Variants in SNX13 observed in about 807,000 individuals in gnomAD.
SNX13 encodes the protein sorting nexin 13, also known as sorting nexin-13.
Under a neutral mutation model 133.6 loss-of-function variants are expected in SNX13, and 45 were observed. That is an observed-to-expected ratio of 0.34 (90% CI 0.27 to 0.43). The LOEUF is 0.43. Ranked by LOEUF, SNX13 falls within the 20% of genes least tolerant of loss-of-function variation. The pLI is 1.00. For missense variants in SNX13, 1,032 were observed against 1,145.1 expected (o/e 0.90, Z 1.43); for synonymous variants, 414 against 373.9 (o/e 1.11, Z -1.24).
chr7:17,918,393 A>G (rs925355657), intron 1 of SNX13, among the ~76,000 whole-genome samples: 3 of 152,048 alleles, frequency 2.0e-5, no homozygotes, highest in African/African-American at 7.2e-5. Flanking sequence ...TGACAAAGGA[A>G]TAATATCCAG....
intron 1 of SNX13, among the ~76,000 whole-genome samples, chr7:17,929,235 T>C (rs529996704): frequency 2.0e-5 from 3 of 152,034 alleles, no homozygotes; most frequent in African/African-American, 7.2e-5. Context: ...TATAAAGGAA[T>C]AGAGAGAGAT....
intron 1 of SNX13, among the ~76,000 whole-genome samples, chr7:17,917,103 T>C (rs1014446079): frequency 2.6e-5 from 4 of 152,040 alleles, no homozygotes; most frequent in Admixed American, 6.6e-5. Context: ...AAGCATTCAG[T>C]AAAATCCAAC....
rs550398049 is a variant in SNX13, at chr7:17,796,602, T to C, written c.2626+225A>G. ...GTTATTTAACCTCTCTGAGCTTCCG[T>C]TTCCTCACATATAAAGCGGTGATGT... is the stretch of plus-strand genomic sequence containing the variant. On this transcript the variant is annotated intron_variant, in intron 25 of 25. Coordinates refer to ENST00000428135, the MANE Select transcript of SNX13 (RefSeq NM_015132.5). 14 of 436,714 alleles carry C rather than the reference T, an allele frequency of 3.2e-5. No homozygotes were observed. In the South Asian group the frequency reaches 4.3e-4, roughly 13 times the overall value. 27.1% of individuals were successfully genotyped at this position (436,714 alleles called of 1,614,324 possible). A position where few individuals can be genotyped will look rare whatever the true frequency, so the allele number is the denominator to read the frequency against.
At chr7:17,914,741 C>T (rs906282092) in intron 1 of SNX13, among the ~76,000 whole-genome samples, 2 of 152,126 alleles carry the variant, frequency 1.3e-5, no homozygotes, top group Non-Finnish European at 2.9e-5. Context: ...AACATGAAAA[C>T]AAAATAACAA....
At chr7:17,893,197 G>T in intron 3 of SNX13, 135 bp downstream of exon 3, 2 of 561,808 alleles carry the variant, frequency 3.6e-6, no homozygotes, top group Non-Finnish European at 3.1e-6. Flanking sequence ...AGTATAATTA[G>T]ACAATCTCAC....
At chr7:17,895,829 A>G (rs1015233124) in intron 2 of SNX13, among the ~76,000 whole-genome samples, 22 of 152,234 alleles carry the variant, frequency 1.4e-4, no homozygotes, top group African/African-American at 5.1e-4. Flanking sequence ...GAGTAAAAAA[A>G]GAAATAATTA....
chr7:17,850,928 T>A lies in SNX13; in HGVS notation c.874A>T (p.Asn292Tyr), dbSNP rs753167446. 6 of 1,608,954 alleles carry A rather than the reference T, an allele frequency of 3.7e-6. No individual in the cohort carries two copies. The highest frequency in any genetic ancestry group is 5.1e-6 in the Non-Finnish European group (6 of 1,178,634). ...ATATTGTCACTCAATTTAATAATGT[T>A]CATAAAGGCCTCATAGTTGCAGTTA... ...DSNCNYEAFMNIIKLSDNIGE... is the reference protein window; with the variant it reads ...DSNCNYEAFMYIIKLSDNIGE... The change falls in exon 10 of 26, where the codon AAC becomes TAC. Residue 292 changes from asparagine (N) to tyrosine (Y), a missense_variant. Physicochemically the swap from Asn to Tyr is moderately radical, Grantham distance 143. Coordinates refer to ENST00000428135, the MANE Select transcript of SNX13 (RefSeq NM_015132.5).
chr7:17,801,588 A>T lies in SNX13; in HGVS notation c.2298T>A (p.Asn766Lys). The change falls in exon 22 of 26, where the codon AAT becomes AAA. Residue 766 changes from asparagine to lysine, a missense_variant and splice_region_variant. Physicochemically the swap from Asn to Lys is moderately conservative, Grantham distance 94. Coordinates refer to ENST00000428135, the MANE Select transcript of SNX13 (RefSeq NM_015132.5). Reference protein sequence around the residue: ...HRRVSAQLDDNVDDNIPLRVM... With the variant: ...HRRVSAQLDDKVDDNIPLRVM... Reference sequence around the variant, plus strand: ...ACTACCAAGAATAAAATTAACTCACATTATCGTCAAGTTGAGCCGAAACTC... The same window carrying T: ...ACTACCAAGAATAAAATTAACTCACTTTATCGTCAAGTTGAGCCGAAACTC... 1 of 1,604,782 alleles carries T rather than the reference A, an allele frequency of 6.2e-7. No individual in the cohort carries two copies. Among genetic ancestry groups the T allele is most frequent in the South Asian group, 1.1e-5 (1 of 88,778 alleles).
At chr7:17,832,200 G>C (rs182702067) in intron 15 of SNX13, 2 of 984,196 alleles carry the variant, frequency 2.0e-6, no homozygotes, top group African/African-American at 3.5e-5. Context: ...AATGTACTTC[G>C]TGTTTTAAAA....
At chr7:17,933,663 C>T (rs1311128748) in intron 1 of SNX13, among the ~76,000 whole-genome samples, 1 of 152,032 alleles carries the variant, frequency 6.6e-6, no homozygotes, top group Non-Finnish European at 1.5e-5. Flanking sequence ...CCTGTCTCCC[C>T]TGTAACTGCA....
In SNX13 at chr7:17,794,210, T is replaced by A. The variant is rs747198031; in HGVS notation, c.2709A>T (p.Leu903Phe). 1 of 1,611,642 alleles carries A rather than the reference T, an allele frequency of 6.2e-7. No individual in the cohort carries two copies. The highest frequency in any genetic ancestry group is 1.3e-5 in the African/African-American group (1 of 74,842). ...AGAAGACATAAACCATTCTCCTATT[T>A]AATTGGTTGTGCTGAAACATTTCAA... Reference protein sequence around the residue: ...RVFEMFQHNQLNRRMVYVFLE... With the variant: ...RVFEMFQHNQFNRRMVYVFLE... Residue 903 changes from leucine (L) to phenylalanine (F), a missense_variant, in exon 26 of 26, where the codon TTA becomes TTT. Physicochemically the swap from Leu to Phe is conservative, Grantham distance 22. Coordinates refer to ENST00000428135, the MANE Select transcript of SNX13 (RefSeq NM_015132.5).
Position 17,875,490 on chromosome 7 carries a change from T to C in SNX13, c.654A>G (p.Lys218=). ...VCRDLVCTSP[K]DEEGFLRDLC... ...AAATTAAAAGAAAACCTTCTTCATC[T>C]TTGGGGGAAGTGCACACTAGATCAC... Residue 218 remains lysine (K), a synonymous_variant, in exon 7 of 26, where the codon AAA becomes AAG. Transcript: ENST00000428135. 1.2e-6 allele frequency: 2 copies of C among 1,606,926 alleles called. No individual in the cohort carries two copies. The highest frequency in any genetic ancestry group is 1.1e-5 in the South Asian group (1 of 90,008).
intron 1 of SNX13, among the ~76,000 whole-genome samples, chr7:17,933,976 C>T (rs187549708): frequency 6.6e-6 from 1 of 152,126 alleles, no homozygotes; most frequent in African/African-American, 2.4e-5. Flanking sequence ...CAAACTAGTT[C>T]CCCAAAATCC....
intron 1 of SNX13, among the ~76,000 whole-genome samples, chr7:17,911,213 C>T (rs993469517): frequency 6.6e-6 from 1 of 152,118 alleles, no homozygotes; most frequent in Admixed American, 6.5e-5. Flanking sequence ...TATCCAAGGT[C>T]CCTCTCATTA....
intron 15 of SNX13, chr7:17,831,026 T>G: frequency 1.0e-6 from 1 of 984,414 alleles, no homozygotes; most frequent in Non-Finnish European, 1.2e-6. Context: ...ATACTTAAAA[T>G]AAGTAAAATA....
At chr7:17,830,671 G>A (rs978055916) in intron 15 of SNX13, 5 of 981,812 alleles carry the variant, frequency 5.1e-6, no homozygotes, top group Non-Finnish European at 4.8e-6. Context: ...AGTCAATGCT[G>A]GATTATTAAC....
chr7:17,883,627 A>T (rs552512359), intron 5 of SNX13, among the ~76,000 whole-genome samples: 113 of 152,244 alleles, frequency 7.4e-4, no homozygotes, highest in Admixed American at 2.8e-3. Context: ...TTTGTTACAC[A>T]GGTATACACG....
At chr7:17,858,499 C>T (rs574682285) in intron 9 of SNX13, among the ~76,000 whole-genome samples, 1 of 152,030 alleles carries the variant, frequency 6.6e-6, no homozygotes, top group East Asian at 1.9e-4. Context: ...ACAGAGGCTT[C>T]AATAAATGGA....
intron 12 of SNX13, among the ~76,000 whole-genome samples, chr7:17,840,529 G>C (rs1438202509): frequency 6.6e-6 from 1 of 151,828 alleles, no homozygotes; most frequent in African/African-American, 2.4e-5. Flanking sequence ...GATACAAACA[G>C]GTTATATACA....
Sources: allele counts gnomAD v4.1 joint callset (sites outside exome capture counted in the v4.1 genomes callset), GRCh38; gene constraint gnomAD v4.1.1; transcripts MANE v1.5; gene names NCBI Gene and HGNC (gene_info 2026-07-23, HGNC 2026-07-21).